NUDCD3: variants seen among roughly 807,000 people sequenced by gnomAD.
NUDCD3 encodes the protein nudC domain-containing protein 3.
In NUDCD3, 13 loss-of-function variants were observed where a neutral mutation model predicts 39.7. The observed-to-expected ratio is 0.33, with a 90% CI of 0.21 to 0.52. NUDCD3 has a LOEUF of 0.52. Among genes scored for constraint, NUDCD3 ranks in the 20% least tolerant of loss-of-function variants. The pLI, the probability that NUDCD3 is intolerant of heterozygous loss-of-function variation, is 0.96. For synonymous variants in NUDCD3, 175 were observed against 172.4 expected (o/e 1.02, Z -0.12); for missense variants, 453 against 458.1 (o/e 0.99, Z 0.10).
rs533185190 is a variant in NUDCD3, at chr7:44,489,103, T to C, written c.192+1306A>G. ...GAATCCACAAAATGAAATTTTTAGTTTCAGCTCTACGGTGAACTGGCTGTG... is the reference window on the plus strand; with the variant it reads ...GAATCCACAAAATGAAATTTTTAGTCTCAGCTCTACGGTGAACTGGCTGTG... On this transcript the variant is annotated intron_variant, in intron 1 of 5. Coordinates refer to ENST00000355451, the MANE Select transcript of NUDCD3 (RefSeq NM_015332.4). Among the ~76,000 whole-genome samples, 99 of 152,372 alleles carry C rather than the reference T, an allele frequency of 6.5e-4. No homozygotes were observed. In the South Asian group the frequency reaches 0.02, roughly 31 times the overall value.
intron 2 of NUDCD3, among the ~76,000 whole-genome samples, chr7:44,433,240 AG>A (rs1430543904): frequency 6.6e-6 from 1 of 152,214 alleles, no homozygotes; most frequent in Non-Finnish European, 1.5e-5. Flanking sequence ...TTGTTATAGT[AG>A]CCCAAATGGA....
intron 2 of NUDCD3, among the ~76,000 whole-genome samples, chr7:44,441,975 C>T (rs187952897): frequency 6.6e-6 from 1 of 152,248 alleles, no homozygotes; most frequent in East Asian, 1.9e-4. Context: ...ATCTTTGCCT[C>T]CAACTCACTG....
chr7:44,459,178 G>A (rs115152974), intron 2 of NUDCD3, among the ~76,000 whole-genome samples: 2,516 of 151,122 alleles, frequency 0.017, 55 homozygotes, highest in African/African-American at 0.057. Context: ...ATATTCTATT[G>A]TAGATGGATT....
chr7:44,386,992 A>G (rs1192173768), intron 5 of NUDCD3, among the ~76,000 whole-genome samples: 1 of 152,002 alleles, frequency 6.6e-6, no homozygotes, highest in Non-Finnish European at 1.5e-5. Flanking sequence ...TCTGACCACA[A>G]GAGACAAAAG....
intron 2 of NUDCD3, among the ~76,000 whole-genome samples, chr7:44,452,575 G>A (rs1372224193): frequency 6.6e-6 from 1 of 152,224 alleles, no homozygotes; most frequent in Non-Finnish European, 1.5e-5. Flanking sequence ...ACAAAGCACA[G>A]GAGCTGGCTG....
At chr7:44,414,289 G>C (rs892850801) in intron 3 of NUDCD3, among the ~76,000 whole-genome samples, 1 of 152,130 alleles carries the variant, frequency 6.6e-6, no homozygotes, top group South Asian at 2.1e-4. Context: ...TGTGAGGGAT[G>C]GTGGGTTTGG....
At chr7:44,407,441 T>A (rs1462589809) in intron 3 of NUDCD3, among the ~76,000 whole-genome samples, 1 of 151,662 alleles carries the variant, frequency 6.6e-6, no homozygotes, top group African/African-American at 2.4e-5. Context: ...GTTGTATGCC[T>A]GTAACCCCAG....
At chr7:44,410,064 C>CCAA (rs1798893885) in intron 3 of NUDCD3, among the ~76,000 whole-genome samples, 6 of 152,026 alleles carry the variant, frequency 3.9e-5, no homozygotes, top group African/African-American at 1.2e-4. Context: ...ATTAAGCATA[C>CCAA]CAACATACAG....
chr7:44,407,890 T>C (rs1798858659), intron 3 of NUDCD3, among the ~76,000 whole-genome samples: 1 of 152,052 alleles, frequency 6.6e-6, no homozygotes, highest in African/African-American at 2.4e-5. Flanking sequence ...GGCAATCAAT[T>C]TGGCATTCCA....
chr7:44,414,381 G>T (rs78574520), intron 3 of NUDCD3, among the ~76,000 whole-genome samples: 2,545 of 152,266 alleles, frequency 0.017, 57 homozygotes, highest in African/African-American at 0.057. Flanking sequence ...GGACATGGAA[G>T]TAAAAAGAGA....
chr7:44,409,894 A>ATTT, intron 3 of NUDCD3, among the ~76,000 whole-genome samples: 1 of 152,278 alleles, frequency 6.6e-6, no homozygotes, highest in Admixed American at 6.5e-5. Flanking sequence ...AAAGGGGGAA[A>ATTT]AGATAAGCGT....
intron 4 of NUDCD3, 58 bp from the exon 5 acceptor site, chr7:44,392,543 G>A: frequency 1.7e-5 from 26 of 1,511,252 alleles, no homozygotes; most frequent in Non-Finnish European, 2.3e-5. Context: ...GTCCAGGGCT[G>A]GGGACAGAGC....
chr7:44,443,400 T>A (rs1379940519), intron 2 of NUDCD3, among the ~76,000 whole-genome samples: 1 of 151,904 alleles, frequency 6.6e-6, no homozygotes, highest in Non-Finnish European at 1.5e-5. Flanking sequence ...AAATCTTTTT[T>A]TTTCTTTTCT....
At chr7:44,463,405 C>T (rs964999720) in intron 2 of NUDCD3, among the ~76,000 whole-genome samples, 2 of 152,158 alleles carry the variant, frequency 1.3e-5, no homozygotes, top group African/African-American at 4.8e-5. Context: ...CCATGCCCAG[C>T]CAAGCCACCA....
At chr7:44,481,042 C>T (rs1800481297) in intron 2 of NUDCD3, among the ~76,000 whole-genome samples, 1 of 149,926 alleles carries the variant, frequency 6.7e-6, no homozygotes, top group Non-Finnish European at 1.5e-5. Context: ...TGTCATTATT[C>T]CCCAAATAAT....
chr7:44,473,089 A>C (rs1470975646), intron 2 of NUDCD3, among the ~76,000 whole-genome samples: 1 of 133,266 alleles, frequency 7.5e-6, no homozygotes, highest in Non-Finnish European at 1.7e-5. Context: ...TTGGGGACTC[A>C]TTAAATAATA....
rs538341440 is a variant in NUDCD3 at position 44,453,690 on chromosome 7, C to T, written c.510-25987G>A. On this transcript the variant is annotated intron_variant, in intron 2 of 5. Transcript: ENST00000355451. Reference sequence around the variant, plus strand: ...GTAAGCTGCAGGAAAGGTAGGCACACAGGAAAGGTGAACGTCACAAGCCAA... The same window carrying T: ...GTAAGCTGCAGGAAAGGTAGGCACATAGGAAAGGTGAACGTCACAAGCCAA... Among the ~76,000 whole-genome samples, 3 of 152,286 alleles carry T rather than the reference C, an allele frequency of 2.0e-5. No individual in the cohort carries two copies. In the South Asian group the frequency reaches 6.2e-4, roughly 32 times the overall value.
chr7:44,461,793 A>G (rs943669210), intron 2 of NUDCD3, among the ~76,000 whole-genome samples: 7 of 152,192 alleles, frequency 4.6e-5, no homozygotes, highest in Admixed American at 3.9e-4. Context: ...CTCAAATGCC[A>G]GAAATGCTTC....
intron 3 of NUDCD3, among the ~76,000 whole-genome samples, chr7:44,422,090 T>A (rs1446444988): frequency 6.6e-6 from 1 of 152,168 alleles, no homozygotes; most frequent in African/African-American, 2.4e-5. Context: ...CTGAAACCAA[T>A]GAGAACAAAG....
Sources: allele counts gnomAD v4.1 joint callset (sites outside exome capture counted in the v4.1 genomes callset), GRCh38; gene constraint gnomAD v4.1.1; transcripts MANE v1.5; gene names NCBI Gene and HGNC (gene_info 2026-07-23, HGNC 2026-07-21).